GALNT13: variants seen among roughly 807,000 people sequenced by gnomAD.
The protein encoded by GALNT13 is UDP-GalNAc:polypeptide N-acetylgalactosaminyltransferase 13.
Under a neutral mutation model 64.2 loss-of-function variants are expected in GALNT13, and 28 were observed. The ratio of observed to expected loss-of-function variants is 0.44; its 90% CI spans 0.32 to 0.60. The LOEUF is 0.60. GALNT13 is among the 20% of genes least tolerant of loss of function. GALNT13 has a pLI of 0.05. For missense variants in GALNT13, 577 were observed against 669.8 expected, an observed-to-expected ratio of 0.86 and a Z score of 1.53; for synonymous variants, 214 against 224.6, an observed-to-expected ratio of 0.95 and a Z score of 0.42.
chr2:153,190,016 A>G, the GALNT13 span, among the ~76,000 whole-genome samples: 7 of 152,088 alleles, frequency 4.6e-5, no homozygotes, highest in East Asian at 1.9e-4. Flanking sequence ...TGAATATTTG[A>G]CAAATATTTT....
chr2:153,517,415 G>A, the GALNT13 span, among the ~76,000 whole-genome samples: 54 of 152,244 alleles, frequency 3.5e-4, no homozygotes, highest in East Asian at 1.2e-3. Context: ...TGACTTCAGC[G>A]CTGGGACAAG....
rs924379357 is a variant in GALNT13 at position 154,451,492 on chromosome 2, T to C, written c.*941T>C. The C allele has an allele frequency of 1.3e-5, 2 of 152,128 alleles. No homozygotes were observed. The highest frequency in any genetic ancestry group is 4.8e-5 in the African/African-American group (2 of 41,450). 9.4% of individuals were successfully genotyped at this position (152,128 alleles called of 1,614,324 possible). A position where few individuals can be genotyped will look rare whatever the true frequency, so the allele number is the denominator to read the frequency against. ...TTAACTCTATTGCACTTAAAGATTT[T>C]AGTTAGGTTACCACTGTCATTTTCA... is the stretch of plus-strand genomic sequence containing the variant. On this transcript the variant is annotated 3_prime_UTR_variant, in exon 13 of 13. Coordinates refer to ENST00000392825, the MANE Select transcript of GALNT13 (RefSeq NM_052917.4).
At chr2:154,287,901 C>T (rs1692366519) in intron 8 of GALNT13, among the ~76,000 whole-genome samples, 1 of 152,102 alleles carries the variant, frequency 6.6e-6, no homozygotes, top group African/African-American at 2.4e-5. Flanking sequence ...CTAGACTGGT[C>T]TTGCGTTGGA....
chr2:154,094,259 A>T (rs1483776695), intron 3 of GALNT13, among the ~76,000 whole-genome samples: 2 of 151,948 alleles, frequency 1.3e-5, no homozygotes, highest in Admixed American at 1.3e-4. Flanking sequence ...TCCAATGAGT[A>T]AAGCAATAGG....
chr2:153,552,216 CTG>C, the GALNT13 span, among the ~76,000 whole-genome samples: 1 of 152,098 alleles, frequency 6.6e-6, no homozygotes, highest in Non-Finnish European at 1.5e-5. Flanking sequence ...CGAGGAAAGA[CTG>C]GGGTTAAAAG....
intron 3 of GALNT13, among the ~76,000 whole-genome samples, chr2:153,966,475 C>G (rs1194374297): frequency 6.6e-6 from 1 of 151,490 alleles, no homozygotes; most frequent in Non-Finnish European, 1.5e-5. Flanking sequence ...ACGCCATTCT[C>G]CTGCCTCAGC....
chr2:154,122,793 G>A (rs780994328), intron 3 of GALNT13, among the ~76,000 whole-genome samples: 5 of 151,908 alleles, frequency 3.3e-5, no homozygotes, highest in African/African-American at 1.2e-4. Context: ...TATAACATCA[G>A]TAGAACTAAT....
chr2:154,329,306 T>C (rs1409500695), intron 9 of GALNT13, among the ~76,000 whole-genome samples: 2 of 152,150 alleles, frequency 1.3e-5, no homozygotes, highest in East Asian at 1.9e-4. Context: ...TTTCACCATA[T>C]TGGTCAGGCT....
At chr2:154,206,364 G>T (rs72869234) in intron 4 of GALNT13, among the ~76,000 whole-genome samples, 16,944 of 151,782 alleles carry the variant, frequency 0.11, 1,069 homozygotes, top group Middle Eastern at 0.19. Context: ...TAGAGAGAGA[G>T]ATATATCTAG....
intron 2 of GALNT13, among the ~76,000 whole-genome samples, chr2:153,908,966 C>T (rs1479943739): frequency 2.6e-5 from 4 of 152,072 alleles, no homozygotes; most frequent in Non-Finnish European, 1.5e-5. Context: ...AGCATTGAAT[C>T]TATAAATTGC....
At chr2:153,947,774 G>T (rs1346734222) in intron 3 of GALNT13, among the ~76,000 whole-genome samples, 1 of 151,946 alleles carries the variant, frequency 6.6e-6, no homozygotes, top group Non-Finnish European at 1.5e-5. Context: ...TGTCCTGGAT[G>T]GTATTGCCTA....
At chr2:153,445,734 A>T in the GALNT13 span, among the ~76,000 whole-genome samples, 1 of 152,260 alleles carries the variant, frequency 6.6e-6, no homozygotes, top group Admixed American at 6.5e-5. Flanking sequence ...TTTCTCATAT[A>T]TATCAATCAT....
At chr2:153,655,386 A>C in the GALNT13 span, among the ~76,000 whole-genome samples, 3 of 152,248 alleles carry the variant, frequency 2.0e-5, no homozygotes, top group South Asian at 2.1e-4. Context: ...TTATGGTCTT[A>C]AATTTTAGTA....
the GALNT13 span, among the ~76,000 whole-genome samples, chr2:153,692,473 C>T: frequency 0.01 from 1,562 of 152,256 alleles, 13 homozygotes; most frequent in Middle Eastern, 0.034. Flanking sequence ...ACAAACAGGT[C>T]TTGGAAACTG....
chr2:153,789,335 C>A, the GALNT13 span, among the ~76,000 whole-genome samples: 2 of 145,472 alleles, frequency 1.4e-5, no homozygotes, highest in Non-Finnish European at 3.0e-5. Context: ...ACAACCTGAT[C>A]CAGATGACTT....
the GALNT13 span, among the ~76,000 whole-genome samples, chr2:153,215,666 T>C: frequency 1.6e-4 from 24 of 152,194 alleles, no homozygotes; most frequent in African/African-American, 4.6e-4. Context: ...CATTATATCA[T>C]GCAGTTTCTT....
chr2:154,108,767 T>C (rs1262709984), intron 3 of GALNT13, among the ~76,000 whole-genome samples: 1 of 152,136 alleles, frequency 6.6e-6, no homozygotes, highest in Non-Finnish European at 1.5e-5. Flanking sequence ...GAGTTTTGTA[T>C]ACAGTATTAG....
At chr2:153,517,936 A>G in the GALNT13 span, among the ~76,000 whole-genome samples, 1 of 152,190 alleles carries the variant, frequency 6.6e-6, no homozygotes, top group African/African-American at 2.4e-5. Flanking sequence ...AAACATCCCC[A>G]ATAAGAAGAC....
At chr2:153,944,814 A>T (rs569129743) in intron 3 of GALNT13, among the ~76,000 whole-genome samples, 175 bp downstream of exon 3, 8 of 152,310 alleles carry the variant, frequency 5.3e-5, no homozygotes, top group East Asian at 3.9e-4. Flanking sequence ...TCTTGGTCTT[A>T]GGCGTCTTCT....
Sources: gnomAD v4.1 joint callset for allele counts (sites outside exome capture counted in the v4.1 genomes callset) on GRCh38, gnomAD v4.1.1 for gene constraint, MANE v1.5 for transcripts, NCBI Gene and HGNC (gene_info 2026-07-23, HGNC 2026-07-21) for gene names.